Variants in DPF3 observed in about 807,000 individuals in gnomAD.
The protein encoded by DPF3 is double PHD fingers 3, also known as zinc finger protein DPF3.
Under a neutral mutation model 56.8 loss-of-function variants are expected in DPF3, and 18 were observed. The ratio of observed to expected loss-of-function variants is 0.32; its 90% confidence interval spans 0.22 to 0.47. DPF3 has a LOEUF of 0.47. DPF3 is among the 20% of genes least tolerant of loss of function. The probability of loss-of-function intolerance (pLI) is 1.00; values close to 1 mark genes in which losing one functional copy is unlikely to be tolerated. For synonymous variants in DPF3, 188 were observed against 180.2 expected (o/e 1.04, Z -0.35); for missense variants, 403 against 488.8 (o/e 0.82, Z 1.65).
intron 3 of DPF3, 21 bp downstream of exon 3, chr14:72,753,243 C>G: frequency 6.2e-7 from 1 of 1,610,582 alleles, no homozygotes; most frequent in Non-Finnish European, 8.5e-7. Flanking sequence ...CAGACCCAGC[C>G]AAGCTCCAGA....
intron 1 of DPF3, among the ~76,000 whole-genome samples, chr14:72,850,454 T>C (rs1884935618): frequency 6.6e-6 from 1 of 152,132 alleles, no homozygotes; most frequent in South Asian, 2.1e-4. Flanking sequence ...AAAGAGAAAT[T>C]AGTCCCCCAG....
At chr14:72,631,878 G>A (rs1469486583) in intron 8 of DPF3, among the ~76,000 whole-genome samples, 1 of 152,218 alleles carries the variant, frequency 6.6e-6, no homozygotes, top group African/African-American at 2.4e-5. Flanking sequence ...GAGATGACAA[G>A]GAAACCTTCC....
chr14:72,892,998 AGG>A (rs1886824874), intron 1 of DPF3, among the ~76,000 whole-genome samples: 6 of 133,658 alleles, frequency 4.5e-5, no homozygotes, highest in African/African-American at 1.8e-4. Flanking sequence ...GAAGGAAGGA[AGG>A]AAGGAAGGAA....
intron 1 of DPF3, among the ~76,000 whole-genome samples, chr14:72,883,223 A>G (rs1886386313): frequency 6.6e-6 from 1 of 152,176 alleles, no homozygotes; most frequent in African/African-American, 2.4e-5. Context: ...CATTTTGGGA[A>G]GCTGAGGTAA....
At chr14:72,654,375 ACCTGCACTGGT>A (rs1286187126) in intron 8 of DPF3, among the ~76,000 whole-genome samples, 2 of 150,250 alleles carry the variant, frequency 1.3e-5, no homozygotes, top group Non-Finnish European at 3.0e-5. Flanking sequence ...CGCTACTCCA[ACCTGCACTGGT>A]CCCTTTCCTG....
chr14:72,821,392 G>A (rs1453404437), intron 1 of DPF3, among the ~76,000 whole-genome samples: 1 of 152,044 alleles, frequency 6.6e-6, no homozygotes, highest in Non-Finnish European at 1.5e-5. Flanking sequence ...AGACCTGCCT[G>A]GGCAACATAG....
chr14:72,782,176 CACAAAGA>C (rs141433368), intron 1 of DPF3, among the ~76,000 whole-genome samples: 1,705 of 152,074 alleles, frequency 0.011, 37 homozygotes, highest in African/African-American at 0.039. Context: ...TTAACACGGC[CACAAAGA>C]ACATGTTGTT....
chr14:72,853,594 C>T (rs1433524715), intron 1 of DPF3, among the ~76,000 whole-genome samples: 1 of 151,640 alleles, frequency 6.6e-6, no homozygotes, highest in African/African-American at 2.4e-5. Flanking sequence ...CCTGCCTCAG[C>T]CTCCCAAGTA....
chr14:72,738,846 G>GTA (rs1173188382), intron 3 of DPF3, among the ~76,000 whole-genome samples: 1 of 151,960 alleles, frequency 6.6e-6, no homozygotes, highest in Admixed American at 6.6e-5. Flanking sequence ...ATTTCACAAT[G>GTA]TATATATATA....
rs1300475273 is a variant in DPF3, at chr14:72,616,091, G to A, written c.*3206C>T. The stretch of plus-strand genomic sequence containing the variant: ...TGGGGACCATCATCATGCCAGACCC[G>A]GGCCAGGATCTTTACCAATGTCACC... On this transcript the variant is annotated 3_prime_UTR_variant, in exon 11 of 11. Coordinates refer to ENST00000556509, the MANE Select transcript of DPF3 (RefSeq NM_001280542.3). Among the ~76,000 whole-genome samples, 4 of 152,100 alleles carry A rather than the reference G, an allele frequency of 2.6e-5. No individual in the cohort carries two copies. Among genetic ancestry groups the A allele is most frequent in the African/African-American group, 7.2e-5 (3 of 41,406 alleles).
chr14:72,650,491 C>T lies in DPF3; in HGVS notation c.872-20755G>A, dbSNP rs977486893. ...TGCCCCGGGGGCCAGGAGATCTTGG[C>T]GATGGCTCTCTGCTGTCTGTTTCCT... On this transcript the variant is annotated intron_variant, in intron 8 of 10. Coordinates refer to ENST00000556509, the MANE Select transcript of DPF3 (RefSeq NM_001280542.3). Among the ~76,000 whole-genome samples the T allele has an allele frequency of 3.9e-5, 6 of 152,210 alleles. No individual in the cohort carries two copies. In the East Asian group the frequency reaches 7.7e-4, roughly 20 times the overall value.
At chr14:72,861,763 G>GAA (rs1885433347) in intron 1 of DPF3, among the ~76,000 whole-genome samples, 1 of 144,738 alleles carries the variant, frequency 6.9e-6, no homozygotes, top group Non-Finnish European at 1.5e-5. Context: ...AAGAAAGAAA[G>GAA]AAAGAAAGAA....
chr14:72,821,601 C>T (rs953382556), intron 1 of DPF3, among the ~76,000 whole-genome samples: 1 of 151,966 alleles, frequency 6.6e-6, no homozygotes, highest in African/African-American at 2.4e-5. Flanking sequence ...TATATAAGAA[C>T]CTTAGAAAGG....
At chr14:72,885,122 T>C (rs1416776893) in intron 1 of DPF3, among the ~76,000 whole-genome samples, 16 of 139,428 alleles carry the variant, frequency 1.1e-4, no homozygotes, top group Non-Finnish European at 2.2e-4. Context: ...CGAGACTCCG[T>C]CTCAAAAAAA....
intron 1 of DPF3, among the ~76,000 whole-genome samples, chr14:72,777,894 T>C (rs1891810784): frequency 6.6e-6 from 1 of 152,180 alleles, no homozygotes; most frequent in Non-Finnish European, 1.5e-5. Flanking sequence ...ATTAAACCTG[T>C]TCTTTATAAA....
intron 6 of DPF3, among the ~76,000 whole-genome samples, chr14:72,713,574 TC>T (rs1888751447): frequency 6.6e-6 from 1 of 152,190 alleles, no homozygotes; most frequent in Non-Finnish European, 1.5e-5. Context: ...AAGCTCTGCA[TC>T]CTCAGAGAGG....
chr14:72,610,585 G>A lies in DPF3; in HGVS notation c.*8712C>T, dbSNP rs921872368. The stretch of plus-strand genomic sequence containing the variant: ...CCTCACCCTGAACCCACTTGGCAAC[G>A]GGGAGATGACCTGGTTGAGGTCTAG... On this transcript the variant is annotated 3_prime_UTR_variant, in exon 11 of 11. Coordinates refer to ENST00000556509, the MANE Select transcript of DPF3 (RefSeq NM_001280542.3). Among the ~76,000 whole-genome samples, 12 of 152,212 alleles carry A rather than the reference G, an allele frequency of 7.9e-5. No individual in the cohort carries two copies. Among genetic ancestry groups the A allele is most frequent in the East Asian group, 1.9e-4 (1 of 5,194 alleles).
intron 1 of DPF3, among the ~76,000 whole-genome samples, chr14:72,805,831 C>A (rs1237787756): frequency 1.3e-5 from 2 of 151,954 alleles, no homozygotes; most frequent in African/African-American, 4.8e-5. Context: ...GGTGACAGAG[C>A]AAGACTCTGT....
At chr14:72,893,349 G>T (rs1170475981) in intron 1 of DPF3, among the ~76,000 whole-genome samples, 1 of 152,138 alleles carries the variant, frequency 6.6e-6, no homozygotes, top group East Asian at 1.9e-4. Context: ...AAGCCAGCTC[G>T]CTCGCAAATA....
Sources: allele counts gnomAD v4.1 joint callset (sites outside exome capture counted in the v4.1 genomes callset), GRCh38; gene constraint gnomAD v4.1.1; transcripts MANE v1.5; gene names NCBI Gene and HGNC (gene_info 2026-07-23, HGNC 2026-07-21).